PDE10A: variants seen among roughly 807,000 people sequenced by gnomAD.
PDE10A encodes cAMP and cAMP-inhibited cGMP 3',5'-cyclic phosphodiesterase 10A.
A neutral mutation model predicts 97.7 loss-of-function variants in PDE10A; 39 were observed. The observed-to-expected ratio is 0.40, with a 90% CI of 0.31 to 0.52. PDE10A has a LOEUF of 0.52. PDE10A is among the 20% of genes least tolerant of loss of function. The pLI is 0.56. For synonymous variants in PDE10A, 371 were observed against 376.8 expected (o/e 0.98, Z 0.18); for missense variants, 731 against 1,047.8 (o/e 0.70, Z 4.17).
intron 1 of PDE10A, among the ~76,000 whole-genome samples, chr6:165,969,547 A>G (rs933223493): frequency 6.6e-6 from 1 of 152,186 alleles, no homozygotes; most frequent in African/African-American, 2.4e-5. Context: ...GGTTTTGACT[A>G]TATTAGGCTG....
At chr6:165,577,691 C>T (rs1040413575) in intron 1 of PDE10A, among the ~76,000 whole-genome samples, 1 of 152,216 alleles carries the variant, frequency 6.6e-6, no homozygotes, top group African/African-American at 2.4e-5. Context: ...CCACCATCCA[C>T]TTCAAGACTG....
intron 1 of PDE10A, among the ~76,000 whole-genome samples, chr6:165,610,644 G>C (rs551025577): frequency 6.6e-6 from 1 of 152,260 alleles, no homozygotes; most frequent in East Asian, 1.9e-4. Context: ...ATAACTTGTG[G>C]AACTTTTTAA....
chr6:165,695,734 T>C (rs1234748959), intron 1 of PDE10A, among the ~76,000 whole-genome samples: 1 of 152,118 alleles, frequency 6.6e-6, no homozygotes, highest in East Asian at 1.9e-4. Flanking sequence ...TGGGCAGAGA[T>C]TTGTGCATCT....
intron 1 of PDE10A, among the ~76,000 whole-genome samples, chr6:165,882,167 C>T (rs117866486): frequency 1.3e-5 from 2 of 152,322 alleles, no homozygotes; most frequent in East Asian, 1.9e-4. Context: ...TGGCCATCCC[C>T]GACCTAGTCA....
intron 2 of PDE10A, among the ~76,000 whole-genome samples, chr6:165,501,295 C>T (rs2128294835): frequency 6.6e-6 from 1 of 152,322 alleles, no homozygotes; most frequent in Middle Eastern, 3.4e-3. Flanking sequence ...GGCGCAGTGG[C>T]TCACGCCTGT....
chr6:165,642,530 G>A (rs1789185864), intron 1 of PDE10A, among the ~76,000 whole-genome samples: 1 of 152,212 alleles, frequency 6.6e-6, no homozygotes, highest in Non-Finnish European at 1.5e-5. Flanking sequence ...GGTGTATATA[G>A]CCCCACATAA....
chr6:165,980,307 T>C (rs986144080), intron 1 of PDE10A, among the ~76,000 whole-genome samples: 3 of 152,238 alleles, frequency 2.0e-5, no homozygotes, highest in African/African-American at 7.2e-5. Context: ...TAGTTATCAT[T>C]TCTTTGACTC....
At chr6:165,917,359 TAGAA>T (rs1782636208) in intron 1 of PDE10A, among the ~76,000 whole-genome samples, 1 of 152,114 alleles carries the variant, frequency 6.6e-6, no homozygotes, top group African/African-American at 2.4e-5. Context: ...AACCCCGGTC[TAGAA>T]GGCACACATC....
At chr6:165,774,481 A>G (rs1281406812) in intron 1 of PDE10A, among the ~76,000 whole-genome samples, 2 of 148,060 alleles carry the variant, frequency 1.4e-5, no homozygotes, top group Non-Finnish European at 3.0e-5. Flanking sequence ...ATAATATATA[A>G]AAATATGTAT....
intron 1 of PDE10A, among the ~76,000 whole-genome samples, chr6:165,835,130 T>C (rs1447933714): frequency 6.6e-6 from 1 of 152,134 alleles, no homozygotes; most frequent in Non-Finnish European, 1.5e-5. Context: ...AGGGCCGTCC[T>C]CGGATGTGTC....
At chr6:165,546,816 A>G (rs190900809) in intron 1 of PDE10A, among the ~76,000 whole-genome samples, 132 of 152,256 alleles carry the variant, frequency 8.7e-4, no homozygotes, top group African/African-American at 3.0e-3. Flanking sequence ...GAACTCATGT[A>G]TGACAATACA....
intron 1 of PDE10A, among the ~76,000 whole-genome samples, chr6:165,829,331 G>T (rs1395550336): frequency 1.3e-5 from 2 of 152,214 alleles, no homozygotes; most frequent in African/African-American, 2.4e-5. Flanking sequence ...AGGGGCTCAT[G>T]ATCTCATCGG....
rs769951311 is a variant in PDE10A at position 165,655,121 on chromosome 6, T to C, written c.865+6826A>G. Among the ~76,000 whole-genome samples, 20 of 152,130 alleles carry C rather than the reference T, an allele frequency of 1.3e-4. No homozygotes were observed. Among genetic ancestry groups the C allele is most frequent in the African/African-American group, 3.9e-4 (16 of 41,422 alleles). ...GTCAAACTTCAGCCAGGCACTTACA[T>C]TGCACCCAGCTATGGTTGATTAACC... On this transcript the variant is annotated intron_variant, in intron 1 of 21. Transcript: ENST00000539869. This position sits in a 1 kb window ranked among gnomAD's most constrained non-coding sequence, Gnocchi z 4.5.
At chr6:165,987,544 G>A (rs939946735) in exon 1 of PDE10A, 6 of 373,912 alleles carry the variant, frequency 1.6e-5, no homozygotes, top group East Asian at 7.3e-5. Flanking sequence ...AAAGTATGCT[G>A]ACGCGCATAT....
chr6:165,878,275 T>G (rs2498574), intron 1 of PDE10A, among the ~76,000 whole-genome samples: 42,372 of 152,128 alleles, frequency 0.28, 6,251 homozygotes, highest in East Asian at 0.42. Context: ...TATTTCCCCC[T>G]GCTAAGTCAC....
chr6:165,478,936 A>C (rs1454403747), intron 3 of PDE10A, among the ~76,000 whole-genome samples: 6 of 152,306 alleles, frequency 3.9e-5, no homozygotes. Flanking sequence ...CCTGGCCCCC[A>C]TGCTTCCAGC....
At chr6:165,573,076 G>A (rs1024859432) in intron 1 of PDE10A, among the ~76,000 whole-genome samples, 8 of 152,026 alleles carry the variant, frequency 5.3e-5, no homozygotes, top group African/African-American at 1.9e-4. Flanking sequence ...AGATTTTCAG[G>A]TCTTTCATCC....
At chr6:165,657,846 C>G (rs958611128) in intron 1 of PDE10A, among the ~76,000 whole-genome samples, 1 of 152,210 alleles carries the variant, frequency 6.6e-6, no homozygotes, top group East Asian at 1.9e-4. Context: ...AAATAGGTCA[C>G]CCTTCCACGG....
intron 2 of PDE10A, among the ~76,000 whole-genome samples, chr6:165,515,079 G>T (rs1781716191): frequency 6.6e-6 from 1 of 152,140 alleles, no homozygotes; most frequent in Non-Finnish European, 1.5e-5. Flanking sequence ...AGGGCATGCG[G>T]ATCAAAACTA....
Sources: gnomAD v4.1 joint callset for allele counts (sites outside exome capture counted in the v4.1 genomes callset) on GRCh38, gnomAD v4.1.1 for gene constraint, Gnocchi (gnomAD v3.1) non-coding constraint, MANE v1.5 for transcripts, NCBI Gene and HGNC (gene_info 2026-07-23, HGNC 2026-07-21) for gene names.